SGPL1: variants seen among roughly 807,000 people sequenced by gnomAD.
SGPL1 encodes the protein SP-lyase 1.
SGPL1 carries 37 observed loss-of-function variants against 68.9 expected under a neutral mutation model. That is an observed-to-expected ratio of 0.54 (90% CI 0.41 to 0.71). The LOEUF (loss-of-function observed/expected upper bound fraction) is 0.71. Among genes scored for constraint, SGPL1 ranks in the 30% least tolerant of loss-of-function variants. The pLI is 0.00. For missense variants in SGPL1, 551 were observed against 704.6 expected, an observed-to-expected ratio of 0.78 and a Z score of 2.47; for synonymous variants, 236 against 248.5, an observed-to-expected ratio of 0.95 and a Z score of 0.47.
At chr10:70,868,217 C>A in intron 7 of SGPL1, 128 bp from the exon 8 acceptor site, 1 of 667,252 alleles carries the variant, frequency 1.5e-6, no homozygotes, top group Non-Finnish European at 2.5e-6. Flanking sequence ...GAAGACATGG[C>A]AGTGTCTGCC....
At chr10:70,871,255 C>T (rs1301499270) in intron 10 of SGPL1, 109 bp downstream of exon 10, 5 of 676,148 alleles carry the variant, frequency 7.4e-6, no homozygotes, top group African/African-American at 5.4e-5. Context: ...TTTTTGACCA[C>T]AGTAGTGATA....
chr10:70,848,938 C>A (rs903828721), intron 3 of SGPL1, among the ~76,000 whole-genome samples: 2 of 152,180 alleles, frequency 1.3e-5, no homozygotes, highest in South Asian at 2.1e-4. Flanking sequence ...CCCTTACTCT[C>A]AATCCCACTA....
rs1846456709 is a variant in SGPL1, at chr10:70,879,293, T to A, written c.*1958T>A. On this transcript the variant is annotated 3_prime_UTR_variant, in exon 15 of 15. Transcript: ENST00000373202. ...ACTTTTCCTCAGGCTCCTTGGCATG[T>A]TAGTCTGAATTGTTCTTGAGCACTG... 1 of 152,700 alleles carries A rather than the reference T, an allele frequency of 6.5e-6. No individual in the cohort carries two copies. Among genetic ancestry groups the A allele is most frequent in the Admixed American group, 6.5e-5 (1 of 15,292 alleles). The allele number at this position is 152,700 out of a possible 1,614,324, so 9.5% of individuals were successfully genotyped here.
chr10:70,842,078 T>A (rs1845725042), intron 2 of SGPL1, among the ~76,000 whole-genome samples: 1 of 152,214 alleles, frequency 6.6e-6, no homozygotes, highest in Non-Finnish European at 1.5e-5. Flanking sequence ...CTGGAAATTT[T>A]TCTACGTAGT....
intron 2 of SGPL1, among the ~76,000 whole-genome samples, chr10:70,843,671 C>T (rs1388966662): frequency 3.3e-5 from 5 of 150,598 alleles, no homozygotes; most frequent in Non-Finnish European, 2.9e-5. Flanking sequence ...TTTTCTTGCT[C>T]GTACCAGGTG....
intron 7 of SGPL1, among the ~76,000 whole-genome samples, chr10:70,863,255 G>A (rs1200549916): frequency 2.0e-5 from 3 of 150,158 alleles, no homozygotes; most frequent in Admixed American, 2.0e-4. Flanking sequence ...TCAAAGTGCT[G>A]GGATTACAGG....
In SGPL1 at chr10:70,859,441, C is replaced by G. The variant is rs1407655517; in HGVS notation, c.557C>G (p.Ala186Gly). Residue 186 changes from alanine (A) to glycine (G), a missense_variant, in exon 7 of 15, where the codon GCA (alanine) becomes GGA (glycine). Ala to Gly is a moderately conservative substitution (Grantham distance 60, BLOSUM62 0). Coordinates refer to ENST00000373202, the MANE Select transcript of SGPL1 (RefSeq NM_003901.4). Reference sequence around the variant, plus strand: ...TTCCCAGGACTACGCAAGATAGAGGCAGAAATCGTGAGGATAGCTTGTTCC... The same window carrying G: ...TTCCCAGGACTACGCAAGATAGAGGGAGAAATCGTGAGGATAGCTTGTTCC... ...DIFPGLRKIE[A>G]EIVRIACSLF... is the part of the protein sequence containing the mutation. 1.9e-6 allele frequency: 3 copies of G among 1,573,478 alleles called. No homozygotes were observed. The highest frequency in any genetic ancestry group is 2.6e-6 in the Non-Finnish European group (3 of 1,159,796).
chr10:70,863,175 T>C (rs1025516602), intron 7 of SGPL1, among the ~76,000 whole-genome samples: 10 of 152,006 alleles, frequency 6.6e-5, no homozygotes, highest in Non-Finnish European at 2.9e-5. Flanking sequence ...TTAGTAGAGA[T>C]GGGGTTTCAC....
At chr10:70,873,677 C>G in intron 12 of SGPL1, 88 bp downstream of exon 12, 1 of 941,290 alleles carries the variant, frequency 1.1e-6, no homozygotes, top group Non-Finnish European at 1.7e-6. Flanking sequence ...GTATCCATAG[C>G]CCTAGCCCAC....
At chr10:70,821,549 G>T (rs1475159581) in intron 2 of SGPL1, among the ~76,000 whole-genome samples, 1 of 152,144 alleles carries the variant, frequency 6.6e-6, no homozygotes, top group Non-Finnish European at 1.5e-5. Flanking sequence ...TTTGCCCTCT[G>T]GGTGACATTT....
intron 13 of SGPL1, 81 bp from the exon 14 acceptor site, chr10:70,876,460 A>G (rs1244219179): frequency 5.3e-6 from 7 of 1,317,028 alleles, no homozygotes; most frequent in Non-Finnish European, 7.3e-6. Flanking sequence ...CAACCAGGAA[A>G]TTCCCGTATT....
At position 70,833,102 on chromosome 10, in the gene SGPL1, C is replaced by A. The variant is rs373106614; in HGVS notation, c.28-11371C>A. 1.2e-4 allele frequency among the ~76,000 whole-genome samples: 18 copies of A among 152,172 alleles called. 1 individual carries two copies. The East Asian group carries it at 2.7e-3, about 23-fold the overall frequency. On this transcript the variant is annotated intron_variant, in intron 2 of 14. Transcript: ENST00000373202. ...GAAGCTGTGGTTTTCCATGAGTGCA[C>A]TTCTGATGACTTGGGAACATTTCAT...
At chr10:70,844,389 A>G in intron 2 of SGPL1, 84 bp from the exon 3 acceptor site, 1 of 1,281,332 alleles carries the variant, frequency 7.8e-7, no homozygotes, top group Non-Finnish European at 1.1e-6. Flanking sequence ...TGCCCTTGAA[A>G]AATGAGAGTT....
chr10:70,880,595 C>T lies in SGPL1; in HGVS notation c.*3260C>T, dbSNP rs1478752892. The stretch of plus-strand genomic sequence containing the variant: ...CAGAGCTCCTCAGATAATCTTCACA[C>T]ACATGTAACTGCTGGAGATCTTATT... On this transcript the variant is annotated 3_prime_UTR_variant, in exon 15 of 15. Transcript: ENST00000373202. The T allele has an allele frequency of 6.6e-6, 1 of 152,190 alleles. No homozygotes were observed. The highest frequency in any genetic ancestry group is 1.5e-5 in the Non-Finnish European group (1 of 68,034). The allele number at this position is 152,190 out of a possible 1,614,324, so 9.4% of individuals were successfully genotyped here.
intron 2 of SGPL1, among the ~76,000 whole-genome samples, chr10:70,833,930 T>G (rs186065232): frequency 1.3e-5 from 2 of 152,318 alleles, no homozygotes; most frequent in Non-Finnish European, 2.9e-5. Flanking sequence ...TTTTGATTTT[T>G]ATTAGTATCT....
In SGPL1 at chr10:70,879,969, G is replaced by A. The variant is rs1256259014; in HGVS notation, c.*2634G>A. 1 of 152,510 alleles carries A rather than the reference G, an allele frequency of 6.6e-6. No individual in the cohort carries two copies. Among genetic ancestry groups the A allele is most frequent in the Non-Finnish European group, 1.5e-5 (1 of 68,028 alleles). 9.4% of individuals were successfully genotyped at this position (152,510 alleles called of 1,614,324 possible). A position where few individuals can be genotyped will look rare whatever the true frequency, so the allele number is the denominator to read the frequency against. ...ACTGCTATGTCACTTTTAATATTAC[G>A]AGTTTTATACTTGGAAAATGGTACT... On this transcript the variant is annotated 3_prime_UTR_variant, in exon 15 of 15. Transcript: ENST00000373202.
intron 14 of SGPL1, 113 bp from the exon 15 acceptor site, chr10:70,877,082 A>G: frequency 1.0e-6 from 1 of 972,948 alleles, no homozygotes; most frequent in Non-Finnish European, 1.6e-6. Flanking sequence ...GAAATGGGGT[A>G]GGGCAGTGCA....
At chr10:70,848,320 T>G (rs1197764561) in intron 3 of SGPL1, among the ~76,000 whole-genome samples, 1 of 152,246 alleles carries the variant, frequency 6.6e-6, no homozygotes, top group Non-Finnish European at 1.5e-5. Flanking sequence ...ACTGGCATTT[T>G]CTATTTTGTT....
chr10:70,849,752 A>G (rs1445799582), intron 3 of SGPL1, among the ~76,000 whole-genome samples: 2 of 152,264 alleles, frequency 1.3e-5, no homozygotes, highest in Admixed American at 6.5e-5. Flanking sequence ...GGAATGCAGT[A>G]GAAGTTCATA....
Sources: allele counts gnomAD v4.1 joint callset (sites outside exome capture counted in the v4.1 genomes callset), GRCh38; gene constraint gnomAD v4.1.1; transcripts MANE v1.5; gene names NCBI Gene and HGNC (gene_info 2026-07-23, HGNC 2026-07-21).